VPS53: variants seen among roughly 807,000 people sequenced by gnomAD.
VPS53 encodes vacuolar protein sorting-associated protein 53 homolog.
Under a neutral mutation model 107.0 loss-of-function variants are expected in VPS53, and 70 were observed. The observed-to-expected ratio is 0.65, with a 90% CI of 0.54 to 0.80. The LOEUF (loss-of-function observed/expected upper bound fraction) is 0.80, where lower values mean the gene tolerates loss of function less well. Ranked by LOEUF, VPS53 falls within the 30% of genes least tolerant of loss-of-function variation. VPS53 has a pLI of 0.00. For missense variants in VPS53, 917 were observed against 1,049.4 expected, an observed-to-expected ratio of 0.87 and a Z score of 1.74; for synonymous variants, 409 against 393.3, an observed-to-expected ratio of 1.04 and a Z score of -0.47.
chr17:632,811 C>T (rs1473732872), intron 7 of VPS53: 1 of 456,136 alleles, frequency 2.2e-6, no homozygotes, highest in African/African-American at 2.0e-5. Context: ...ACGTCCAGTT[C>T]AATCCATGCA....
chr17:651,114 C>T (rs2143472213), intron 7 of VPS53, among the ~76,000 whole-genome samples: 1 of 152,160 alleles, frequency 6.6e-6, no homozygotes, highest in East Asian at 1.9e-4. Flanking sequence ...GAGCGATAGC[C>T]ACTGAAACTA....
chr17:631,493 G>A (rs988803965), intron 8 of VPS53, 57 bp downstream of exon 8: 15 of 1,558,074 alleles, frequency 9.6e-6, no homozygotes, highest in South Asian at 3.3e-5. Context: ...TGGGGTGAGC[G>A]TGAGCTCGGC....
At chr17:566,776 C>T (rs1913559853) in intron 13 of VPS53, among the ~76,000 whole-genome samples, 1 of 151,938 alleles carries the variant, frequency 6.6e-6, no homozygotes, top group Non-Finnish European at 1.5e-5. Context: ...CGGAGTCTCA[C>T]TCAGTTGTCC....
At position 509,411 on chromosome 17, in the gene VPS53, GTCACATATCAAATCCTGGCTGA is replaced by G; in HGVS notation, c.*9695_*9716del. ...TCAAATCCTGGCTCACCCCTCACTA[GTCACATATCAAATCCTGGCTGA>G]CCCCTTACTAGTCACGTATCGAATC... On this transcript the variant is annotated 3_prime_UTR_variant, in exon 22 of 22. Coordinates refer to ENST00000437048, the MANE Select transcript of VPS53 (RefSeq NM_001128159.3). 1 of 145,608 alleles carries G rather than the reference GTCACATATCAAATCCTGGCTGA, an allele frequency of 6.9e-6. No individual in the cohort carries two copies. The allele number at this position is 145,608 out of a possible 1,614,324, so 9.0% of individuals were successfully genotyped here.
chr17:612,607 A>G (rs1968942001), intron 11 of VPS53, among the ~76,000 whole-genome samples: 1 of 151,384 alleles, frequency 6.6e-6, no homozygotes, highest in South Asian at 2.1e-4. Context: ...ACACAGTGAA[A>G]ACCTGTACAA....
intron 7 of VPS53, among the ~76,000 whole-genome samples, chr17:643,562 T>C (rs1597425619): frequency 6.9e-6 from 1 of 144,324 alleles, no homozygotes; most frequent in African/African-American, 2.7e-5. Context: ...ACAACACTCA[T>C]ACTTGGAAAC....
At chr17:579,325 T>C (rs1246868361) in intron 13 of VPS53, among the ~76,000 whole-genome samples, 44 of 102,490 alleles carry the variant, frequency 4.3e-4, no homozygotes, top group African/African-American at 8.0e-4. Flanking sequence ...CCCTCAGAAT[T>C]TAATGCGTTC....
At chr17:577,705 T>A (rs1272500692) in intron 13 of VPS53, among the ~76,000 whole-genome samples, 1 of 140,144 alleles carries the variant, frequency 7.1e-6, no homozygotes, top group Admixed American at 7.1e-5. Context: ...CAGAGAACCT[T>A]CCTAAGCACG....
At chr17:615,687 A>G (rs899152378) in intron 11 of VPS53, among the ~76,000 whole-genome samples, 5 of 152,224 alleles carry the variant, frequency 3.3e-5, no homozygotes, top group Non-Finnish European at 5.9e-5. Flanking sequence ...TCGTTTCACA[A>G]TTTATTCTGG....
chr17:662,783 GAAAA>G (rs1225946378), intron 4 of VPS53, among the ~76,000 whole-genome samples: 10 of 130,196 alleles, frequency 7.7e-5, no homozygotes, highest in South Asian at 4.7e-4. Context: ...GAGAAAGAAA[GAAAA>G]AAAGAAAGAG....
At chr17:637,032 G>T (rs1970226893) in intron 7 of VPS53, among the ~76,000 whole-genome samples, 1 of 152,168 alleles carries the variant, frequency 6.6e-6, no homozygotes, top group African/African-American at 2.4e-5. Flanking sequence ...ATTCGGCTGT[G>T]AATCCATCTG....
chr17:580,070 C>G (rs962981375), intron 13 of VPS53, among the ~76,000 whole-genome samples: 1 of 150,116 alleles, frequency 6.7e-6, no homozygotes, highest in Non-Finnish European at 1.5e-5. Context: ...CCCTCAGGAC[C>G]TAATGCGGTC....
chr17:648,134 C>T (rs925470466), intron 7 of VPS53, among the ~76,000 whole-genome samples: 4 of 152,204 alleles, frequency 2.6e-5, no homozygotes, highest in African/African-American at 7.2e-5. Context: ...CCAGGTCTGG[C>T]CCCCCTCACT....
At chr17:579,462 T>C (rs1295980894) in intron 13 of VPS53, among the ~76,000 whole-genome samples, 1 of 148,784 alleles carries the variant, frequency 6.7e-6, no homozygotes, top group Non-Finnish European at 1.5e-5. Context: ...ACCTAATGCG[T>C]TCCCACAGAA....
intron 4 of VPS53, among the ~76,000 whole-genome samples, chr17:671,630 C>A (rs1971950131): frequency 6.6e-6 from 1 of 152,056 alleles, no homozygotes; most frequent in Admixed American, 6.5e-5. Context: ...CATGCGAAAT[C>A]TTCCTTTCAC....
chr17:541,181 C>A (rs574217884), intron 17 of VPS53, among the ~76,000 whole-genome samples: 2 of 152,310 alleles, frequency 1.3e-5, no homozygotes, highest in South Asian at 4.1e-4. Flanking sequence ...CAGGCACACA[C>A]GTACACGCTC....
intron 19 of VPS53, among the ~76,000 whole-genome samples, chr17:526,060 G>A (rs1175550682): frequency 6.8e-6 from 1 of 147,856 alleles, no homozygotes; most frequent in Admixed American, 6.8e-5. Context: ...ATATTTTGCT[G>A]AGCTGAGTAG....
chr17:526,373 C>T (rs1336067092), intron 19 of VPS53, among the ~76,000 whole-genome samples: 1 of 152,146 alleles, frequency 6.6e-6, no homozygotes, highest in African/African-American at 2.4e-5. Context: ...CTCTAGTGTC[C>T]CTCATATACA....
At chr17:658,049 C>T (rs575091469) in intron 5 of VPS53, among the ~76,000 whole-genome samples, 9 of 34,228 alleles carry the variant, frequency 2.6e-4, no homozygotes, top group African/African-American at 7.2e-4. Context: ...GTGAGAAACT[C>T]GGCAGGGAGT....
Sources: allele counts gnomAD v4.1 joint callset (sites outside exome capture counted in the v4.1 genomes callset), GRCh38; gene constraint gnomAD v4.1.1; transcripts MANE v1.5; gene names NCBI Gene and HGNC (gene_info 2026-07-23, HGNC 2026-07-21).